Variants in TECPR2 observed in about 807,000 individuals in gnomAD.
The protein encoded by TECPR2 is tectonin beta-propeller repeat containing 2.
Under a neutral mutation model 138.1 loss-of-function variants are expected in TECPR2, and 65 were observed. The ratio of observed to expected loss-of-function variants is 0.47; its 90% confidence interval spans 0.39 to 0.58. The LOEUF (loss-of-function observed/expected upper bound fraction) is 0.58. Among genes scored for constraint, TECPR2 ranks in the 20% least tolerant of loss-of-function variants. The probability of loss-of-function intolerance (pLI) is 0.00; values close to 1 mark genes in which losing one functional copy is unlikely to be tolerated. For missense variants in TECPR2, 1,553 were observed against 1,824.5 expected, an observed-to-expected ratio of 0.85 and a Z score of 2.71; for synonymous variants, 746 against 749.8, an observed-to-expected ratio of 0.99 and a Z score of 0.08.
At chr14:102,409,949 C>T (rs1224193498) in intron 4 of TECPR2, among the ~76,000 whole-genome samples, 2 of 152,090 alleles carry the variant, frequency 1.3e-5, no homozygotes, top group Non-Finnish European at 2.9e-5. Context: ...GGACTACAGG[C>T]ACCTGCCACC....
At chr14:102,389,094 C>T (rs1222973612) in intron 2 of TECPR2, among the ~76,000 whole-genome samples, 2 of 151,858 alleles carry the variant, frequency 1.3e-5, no homozygotes, top group Admixed American at 6.6e-5. Flanking sequence ...TGTGCCACTG[C>T]ACTCCAGCCT....
At position 102,425,150 on chromosome 14, in the gene TECPR2, G is replaced by A. The variant is rs1172065446; in HGVS notation, c.810G>A (p.Leu270=). The change falls in exon 6 of 20, where the codon CTG becomes CTA. Residue 270 remains leucine (L), a synonymous_variant. Transcript: ENST00000359520. Reference sequence around the variant, plus strand: ...CCGGGGGAGTCAAGCCTTTTGAACTGCACCCGCGTCTGGAATCCCCCAACA... The same window carrying A: ...CCGGGGGAGTCAAGCCTTTTGAACTACACCCGCGTCTGGAATCCCCCAACA... ...AFAGGVKPFE[L]HPRLESPNSG... 3.7e-6 allele frequency: 6 copies of A among 1,614,080 alleles called. No individual in the cohort carries two copies. In the East Asian group the frequency reaches 1.1e-4, roughly 30 times the overall value.
intron 2 of TECPR2, among the ~76,000 whole-genome samples, chr14:102,390,739 A>G (rs1888146686): frequency 6.6e-6 from 1 of 151,952 alleles, no homozygotes; most frequent in Non-Finnish European, 1.5e-5. Context: ...TTGATCAGAA[A>G]TTGCACCATG....
chr14:102,409,042 T>C (rs924542403), intron 4 of TECPR2, among the ~76,000 whole-genome samples: 4 of 152,108 alleles, frequency 2.6e-5, no homozygotes, highest in African/African-American at 9.7e-5. Context: ...TAGGTGGCAG[T>C]ATGGTGAAGA....
chr14:102,499,085 C>T lies in TECPR2; in HGVS notation c.*828C>T. ...GCCCACACACGGCGCAGGCTGCCCGCCTCCTGGAGAGCACACTTCAGCTGA... is the reference window on the plus strand; with the variant it reads ...GCCCACACACGGCGCAGGCTGCCCGTCTCCTGGAGAGCACACTTCAGCTGA... On this transcript the variant is annotated 3_prime_UTR_variant, in exon 20 of 20. Transcript: ENST00000359520. The T allele has an allele frequency of 1.4e-6, 1 of 702,982 alleles. No homozygotes were observed. The highest frequency in any genetic ancestry group is 2.6e-6 in the Non-Finnish European group (1 of 384,956). 43.5% of individuals were successfully genotyped at this position (702,982 alleles called of 1,614,324 possible).
chr14:102,385,699 C>G, intron 2 of TECPR2, among the ~76,000 whole-genome samples: 1 of 152,042 alleles, frequency 6.6e-6, no homozygotes, highest in East Asian at 1.9e-4. Flanking sequence ...TTTGGGAGGC[C>G]GAGGCGGACA....
chr14:102,381,051 C>T (rs1185139015), intron 2 of TECPR2, among the ~76,000 whole-genome samples: 3 of 151,442 alleles, frequency 2.0e-5, no homozygotes, highest in Admixed American at 1.3e-4. Context: ...ACCTCCACCT[C>T]CTGGGTTCAA....
chr14:102,403,443 G>A (rs1335121434), intron 2 of TECPR2, among the ~76,000 whole-genome samples: 1 of 152,160 alleles, frequency 6.6e-6, no homozygotes, highest in Non-Finnish European at 1.5e-5. Flanking sequence ...AAAACGGAAA[G>A]CTTTTCCTCT....
At chr14:102,406,353 C>A (rs1888659331) in intron 2 of TECPR2, among the ~76,000 whole-genome samples, 1 of 150,944 alleles carries the variant, frequency 6.6e-6, no homozygotes, top group African/African-American at 2.4e-5. Flanking sequence ...TCGAGACCAT[C>A]CTGCCTAACA....
chr14:102,384,455 G>T (rs893736538), intron 2 of TECPR2, among the ~76,000 whole-genome samples: 6 of 151,326 alleles, frequency 4.0e-5, no homozygotes, highest in Non-Finnish European at 8.8e-5. Flanking sequence ...AAGACAGGCG[G>T]ATCACGAGGT....
chr14:102,434,801 C>T lies in TECPR2; in HGVS notation c.1984C>T (p.Gln662Ter). ...SSLSWAPSAE[Q>*]WLPGTRADEG... is the part of the protein sequence containing the mutation. ...CCTCAGCTGGGCCCCAAGTGCTGAA[C>T]AGTGGCTGCCTGGGACCAGAGCTGA... Residue 662 changes from glutamine (Q) to a stop codon, truncating the protein, a stop_gained, in exon 9 of 20, where the codon CAG (glutamine) becomes TAG (stop). Transcript: ENST00000359520. LOFTEE classifies it high-confidence loss of function. 1 of 1,613,366 alleles carries T rather than the reference C, an allele frequency of 6.2e-7. No homozygotes were observed. The highest frequency in any genetic ancestry group is 8.5e-7 in the Non-Finnish European group (1 of 1,180,022).
chr14:102,403,929 G>A (rs1454634838), intron 2 of TECPR2, among the ~76,000 whole-genome samples: 1 of 152,134 alleles, frequency 6.6e-6, no homozygotes. Flanking sequence ...ACAGGGTCTT[G>A]CTCTGTCACC....
chr14:102,438,089 A>C lies in TECPR2; in HGVS notation c.2462A>C (p.Lys821Thr). The change falls in exon 10 of 20, where the codon AAG becomes ACG. Residue 821 changes from lysine to threonine, a missense_variant. Transcript: ENST00000359520. ...ATCCTCAGCTTGGTGGTCTCCGAGAAGTATATCTGGTGCCTGGACTACAAA... is the reference window on the plus strand; with the variant it reads ...ATCCTCAGCTTGGTGGTCTCCGAGACGTATATCTGGTGCCTGGACTACAAA... Reference protein sequence around the residue: ...YGILSLVVSEKYIWCLDYKGG... With the variant: ...YGILSLVVSETYIWCLDYKGG... The C allele has an allele frequency of 6.2e-7, 1 of 1,614,038 alleles. No individual in the cohort carries two copies. Among genetic ancestry groups the C allele is most frequent in the Non-Finnish European group, 8.5e-7 (1 of 1,180,004 alleles).
intron 8 of TECPR2, among the ~76,000 whole-genome samples, chr14:102,433,238 A>C (rs945058839): frequency 2.9e-4 from 44 of 151,184 alleles, no homozygotes; most frequent in African/African-American, 1.0e-3. Flanking sequence ...CAGGTTTGTT[A>C]CATGGGTATA....
At chr14:102,451,793 G>T (rs1323175172) in intron 15 of TECPR2, among the ~76,000 whole-genome samples, 1 of 152,180 alleles carries the variant, frequency 6.6e-6, no homozygotes, top group African/African-American at 2.4e-5. Context: ...AACAGAATCT[G>T]TTAAACCTAA....
intron 16 of TECPR2, among the ~76,000 whole-genome samples, chr14:102,454,459 C>A (rs1408097101): frequency 6.6e-6 from 1 of 152,154 alleles, no homozygotes; most frequent in African/African-American, 2.4e-5. Context: ...AACTTTTGTT[C>A]TTTATGCTTT....
intron 2 of TECPR2, among the ~76,000 whole-genome samples, chr14:102,382,185 C>T (rs1887846810): frequency 6.6e-6 from 1 of 151,666 alleles, no homozygotes; most frequent in Non-Finnish European, 1.5e-5. Context: ...CCCAGCTACT[C>T]AGGAGACTGA....
chr14:102,391,232 T>C (rs953583117), intron 2 of TECPR2, among the ~76,000 whole-genome samples: 2 of 152,082 alleles, frequency 1.3e-5, no homozygotes, highest in Non-Finnish European at 2.9e-5. Flanking sequence ...CAATTTTTTG[T>C]ATTTTTAATA....
chr14:102,468,362 A>G (rs1196415185), intron 17 of TECPR2, among the ~76,000 whole-genome samples: 1 of 144,080 alleles, frequency 6.9e-6, no homozygotes, highest in Non-Finnish European at 1.5e-5. Context: ...TAATTTTTGT[A>G]TTTTTAGTAG....
Sources: allele counts gnomAD v4.1 joint callset (sites outside exome capture counted in the v4.1 genomes callset), GRCh38; gene constraint gnomAD v4.1.1; transcripts MANE v1.5; gene names NCBI Gene and HGNC (gene_info 2026-07-23, HGNC 2026-07-21).